PPM1A: variants seen among roughly 807,000 people sequenced by gnomAD.
PPM1A encodes protein phosphatase, Mg2+/Mn2+ dependent 1A, also known as protein phosphatase 1A.
PPM1A carries 7 observed loss-of-function variants against 35.0 expected under a neutral mutation model. That is an observed-to-expected ratio of 0.20 (90% CI 0.11 to 0.38). The LOEUF (loss-of-function observed/expected upper bound fraction) is 0.38. PPM1A is among the 10% of genes least tolerant of loss of function. The pLI, the probability that PPM1A is intolerant of heterozygous loss-of-function variation, is 1.00. For missense variants in PPM1A, 239 were observed against 467.8 expected (o/e 0.51, Z 4.51); for synonymous variants, 153 against 167.3 (o/e 0.91, Z 0.66).
rs552593028 is a variant in PPM1A at position 60,273,262 on chromosome 14, A to G, written c.-20-9422A>G. On this transcript the variant is annotated intron_variant, in intron 1 of 5. Coordinates refer to ENST00000395076, the MANE Select transcript of PPM1A (RefSeq NM_021003.5). The surrounding 1 kb of genome is among the most constrained non-coding windows in gnomAD (Gnocchi z 4.3). Reference sequence around the variant, plus strand: ...AACTCAAAGGAGGCTCCTTTGAAGAATTGATGCTTGAGCTGAGATCTCAGG... The same window carrying G: ...AACTCAAAGGAGGCTCCTTTGAAGAGTTGATGCTTGAGCTGAGATCTCAGG... Among the ~76,000 whole-genome samples the G allele has an allele frequency of 7.2e-5, 11 of 152,300 alleles. No homozygotes were observed. The highest frequency in any genetic ancestry group is 5.2e-4 in the Admixed American group (8 of 15,292).
chr14:60,288,513 T>A (rs1887276826), intron 3 of PPM1A: 1 of 984,226 alleles, frequency 1.0e-6, no homozygotes, highest in Non-Finnish European at 1.2e-6. Flanking sequence ...ACAAATATAC[T>A]AGATGTTAAA....
chr14:60,290,912 A>G (rs1485295981), intron 4 of PPM1A, among the ~76,000 whole-genome samples: 8 of 152,160 alleles, frequency 5.3e-5, no homozygotes, highest in African/African-American at 1.9e-4. Context: ...ACTAATTCCT[A>G]GACTTGTCAT....
At chr14:60,251,006 G>A (rs77904563) in intron 1 of PPM1A, among the ~76,000 whole-genome samples, 3,738 of 152,312 alleles carry the variant, frequency 0.025, 68 homozygotes, top group Middle Eastern at 0.045. Context: ...TCTATTCTTA[G>A]ATGCTGCTTT....
chr14:60,258,743 A>C (rs1288982521), intron 1 of PPM1A, among the ~76,000 whole-genome samples: 1 of 152,094 alleles, frequency 6.6e-6, no homozygotes, highest in African/African-American at 2.4e-5. Flanking sequence ...CATAGAAGAT[A>C]ATCAGTGTTG....
At position 60,289,337 on chromosome 14, in the gene PPM1A, G is replaced by A. The variant is rs1887380465; in HGVS notation, c.953-469G>A. The stretch of plus-strand genomic sequence containing the variant: ...TAAATATATACATAAAAATAATTGA[G>A]TTAGTATATAATCTATAAATTCCCC... On this transcript the variant is annotated intron_variant, in intron 3 of 5. Coordinates refer to ENST00000395076, the MANE Select transcript of PPM1A (RefSeq NM_021003.5). This position sits in a 1 kb window ranked among gnomAD's most constrained non-coding sequence, Gnocchi z 4.1. 6.6e-6 allele frequency among the ~76,000 whole-genome samples: 1 copy of A among 151,968 alleles called. No homozygotes were observed. The highest frequency in any genetic ancestry group is 2.1e-4 in the South Asian group (1 of 4,820).
In PPM1A at chr14:60,292,466, C is replaced by A; in HGVS notation, c.1133C>A (p.Thr378Lys). The A allele has an allele frequency of 6.2e-7, 1 of 1,602,910 alleles. No individual in the cohort carries two copies. The highest frequency in any genetic ancestry group is 8.5e-7 in the Non-Finnish European group (1 of 1,170,952). Residue 378 changes from threonine (T) to lysine (K), a missense_variant, in exon 6 of 6, where the codon ACA (threonine) becomes AAA (lysine). Around this residue, in one of 2 missense-constraint regions of PPM1A, gnomAD observed 64 missense variants for 78.6 expected, o/e 0.81. Coordinates refer to ENST00000395076, the MANE Select transcript of PPM1A (RefSeq NM_021003.5). This position sits in a 1 kb window ranked among gnomAD's most constrained non-coding sequence, Gnocchi z 4.2. Reference sequence around the variant, plus strand: ...CCTTTTACAAAGGACTCTACATCAACAGATGATATGTGGTAAAACTGCTCA... The same window carrying A: ...CCTTTTACAAAGGACTCTACATCAAAAGATGATATGTGGTAAAACTGCTCA... ...YKNDDTDSTS[T>K]DDMW
chr14:60,265,965 T>A (rs1185077441), intron 1 of PPM1A, among the ~76,000 whole-genome samples: 2 of 152,212 alleles, frequency 1.3e-5, no homozygotes, highest in African/African-American at 4.8e-5. Context: ...ATAGCAGAAG[T>A]CAATGTTTAA....
intron 1 of PPM1A, among the ~76,000 whole-genome samples, chr14:60,250,788 C>T (rs1882311014): frequency 6.6e-6 from 1 of 152,194 alleles, no homozygotes; most frequent in African/African-American, 2.4e-5. Flanking sequence ...GTGTTGCGCT[C>T]CGAAAAGTGG....
Position 60,249,803 on chromosome 14 carries a change from G to A in PPM1A, c.-21+126G>A. The A allele has an allele frequency of 2.1e-6, 1 of 471,618 alleles. No homozygotes were observed. The highest frequency in any genetic ancestry group is 2.8e-6 in the Non-Finnish European group (1 of 360,204). The allele number at this position is 471,618 out of a possible 1,614,324, so 29.2% of individuals were successfully genotyped here. A position where few individuals can be genotyped will look rare whatever the true frequency, so the allele number is the denominator to read the frequency against. On this transcript the variant is annotated intron_variant, in intron 1 of 5. Transcript: ENST00000395076. The surrounding 1 kb of genome is among the most constrained non-coding windows in gnomAD (Gnocchi z 4.5). ...TGCCCGGGCGCTCCCGGGAGGAGAC[G>A]CGACAACTCCACCCCCTGGCCGGCC...
chr14:60,249,187 C>T (rs1254052688), upstream of PPM1A: 2 of 974,152 alleles, frequency 2.1e-6, no homozygotes, highest in Non-Finnish European at 2.4e-6. The surrounding 1 kb of genome is among the most constrained non-coding windows in gnomAD (Gnocchi z 4.5). Context: ...GGAGGGGCGA[C>T]GCGGTCGTGA....
upstream of PPM1A, among the ~76,000 whole-genome samples, chr14:60,247,825 G>T (rs1191901641): frequency 1.3e-5 from 2 of 152,010 alleles, no homozygotes; most frequent in African/African-American, 4.8e-5. Context: ...AAAGTAGTAG[G>T]GTGCAAATTG....
chr14:60,268,299 G>C (rs1228036621), intron 1 of PPM1A: 2 of 983,558 alleles, frequency 2.0e-6, no homozygotes, highest in Non-Finnish European at 2.4e-6. Context: ...CCAGGTTTCT[G>C]GTCTTCACTC....
rs867732463 is a variant in PPM1A, at chr14:60,255,701, G to A, written c.-21+6024G>A. ...AGTTACAAGCTTTATCGTAGCAGAC[G>A]TTTCTGACTCTCTTCCTGAATGTTA... On this transcript the variant is annotated intron_variant, in intron 1 of 5. Transcript: ENST00000395076. 6.6e-5 allele frequency among the ~76,000 whole-genome samples: 10 copies of A among 152,246 alleles called. No homozygotes were observed. In the Middle Eastern group the frequency reaches 0.024, roughly 362 times the overall value.
chr14:60,271,766 G>A (rs1885151311), intron 1 of PPM1A, among the ~76,000 whole-genome samples: 1 of 151,690 alleles, frequency 6.6e-6, no homozygotes. Context: ...TTATAATCTT[G>A]ATATTGAGAA....
chr14:60,245,930 A>C, upstream of PPM1A: 1 of 1,582,628 alleles, frequency 6.3e-7, no homozygotes, highest in South Asian at 1.2e-5. This position sits in a 1 kb window ranked among gnomAD's most constrained non-coding sequence, Gnocchi z 4.2. Flanking sequence ...AGAATGGGGA[A>C]GAGAAGGGCA....
intron 1 of PPM1A, among the ~76,000 whole-genome samples, chr14:60,258,748 G>A (rs748531376): frequency 6.6e-6 from 1 of 152,192 alleles, no homozygotes; most frequent in Non-Finnish European, 1.5e-5. Context: ...AAGATAATCA[G>A]TGTTGACAAG....
At chr14:60,249,006 G>T (rs553761433), upstream of PPM1A, among the ~76,000 whole-genome samples, 1 of 152,146 alleles carries the variant, frequency 6.6e-6, no homozygotes, top group Admixed American at 6.5e-5. This position sits in a 1 kb window ranked among gnomAD's most constrained non-coding sequence, Gnocchi z 4.5. Flanking sequence ...AGCAGCAGCG[G>T]CAGAGAAAGA....
At chr14:60,277,957 G>A (rs961099592) in intron 1 of PPM1A, among the ~76,000 whole-genome samples, 1 of 152,172 alleles carries the variant, frequency 6.6e-6, no homozygotes, top group Non-Finnish European at 1.5e-5. Context: ...GAGACACAGA[G>A]ATAAGGCAAT....
At position 60,282,977 on chromosome 14, in the gene PPM1A, C is replaced by A; in HGVS notation, c.274C>A (p.Pro92Thr). 6.2e-7 allele frequency: 1 copy of A among 1,614,178 alleles called. No individual in the cohort carries two copies. The change falls in exon 2 of 6, where the codon CCT becomes ACT. Residue 92 changes from proline to threonine, a missense_variant. Physicochemically the swap from Pro to Thr is conservative, Grantham distance 38 (BLOSUM62 -1). Coordinates refer to ENST00000395076, the MANE Select transcript of PPM1A (RefSeq NM_021003.5). This position sits in a 1 kb window ranked among gnomAD's most constrained non-coding sequence, Gnocchi z 5.1. ...GGATTTTAAAGGGTCTGCAGGAGCACCTTCTGTGGAAAATGTAAAGAATGG... is the reference window on the plus strand; with the variant it reads ...GGATTTTAAAGGGTCTGCAGGAGCAACTTCTGTGGAAAATGTAAAGAATGG... ...NQDFKGSAGAPSVENVKNGIR... is the reference protein window; with the variant it reads ...NQDFKGSAGATSVENVKNGIR...
Sources: gnomAD v4.1 joint callset for allele counts (sites outside exome capture counted in the v4.1 genomes callset) on GRCh38, gnomAD v4.1.1 for gene constraint, gnomAD v4.1.1 regional missense constraint, Gnocchi (gnomAD v3.1) non-coding constraint, MANE v1.5 for transcripts, NCBI Gene and HGNC (gene_info 2026-07-23, HGNC 2026-07-21) for gene names.